ITPA: variants seen among roughly 807,000 people sequenced by gnomAD.
ITPA encodes inosine triphosphate pyrophosphatase.
In ITPA, 29 loss-of-function variants were observed where a neutral mutation model predicts 29.6. The ratio of observed to expected loss-of-function variants is 0.98; its 90% confidence interval spans 0.73 to 1.34. The LOEUF is 1.34. Among genes scored for constraint, ITPA ranks in the 40% most tolerant of loss-of-function variants. ITPA has a pLI of 0.00. For missense variants in ITPA, 241 were observed against 251.5 expected (o/e 0.96, Z 0.28); for synonymous variants, 103 against 99.3 (o/e 1.04, Z -0.22).
At chr20:3,217,499 G>C (rs769051539) in intron 5 of ITPA, among the ~76,000 whole-genome samples, 1 of 151,810 alleles carries the variant, frequency 6.6e-6, no homozygotes, top group Non-Finnish European at 1.5e-5. Flanking sequence ...TGGAGACAAG[G>C]GTCTCCCTGT....
chr20:3,212,755 A>G (rs1275404020), intron 1 of ITPA, among the ~76,000 whole-genome samples: 19 of 152,226 alleles, frequency 1.2e-4, no homozygotes, highest in Admixed American at 1.2e-3. Flanking sequence ...TTTGTTACCT[A>G]TATTCATAAT....
downstream of ITPA, chr20:3,227,443 T>C: frequency 3.0e-6 from 1 of 336,190 alleles, no homozygotes; most frequent in Non-Finnish European, 5.7e-6. Flanking sequence ...GGAGCTTTAT[T>C]CTCTAATGTG....
chr20:3,220,444 C>T (rs758823030), intron 6 of ITPA, among the ~76,000 whole-genome samples: 1 of 152,066 alleles, frequency 6.6e-6, no homozygotes, highest in Non-Finnish European at 1.5e-5. Flanking sequence ...GCCTTAGTCA[C>T]GCAGCTCCTC....
At position 3,218,450 on chromosome 20, in the gene ITPA, G is replaced by T. The variant is rs2122392379; in HGVS notation, c.296-67G>T. 3 of 1,113,160 alleles carry T rather than the reference G, an allele frequency of 2.7e-6. No homozygotes were observed. In the South Asian group the frequency reaches 3.7e-5, roughly 14 times the overall value. The allele number at this position is 1,113,160 out of a possible 1,614,324, so 69.0% of individuals were successfully genotyped here. On this transcript the variant is annotated intron_variant, in intron 5 of 7. Transcript: ENST00000380113. Reference sequence around the variant, plus strand: ...ATTCCTCCCTCCCCACCCTTAGTGGGCGTCTTGGGAGTGGGGGTGGGAGTT... The same window carrying T: ...ATTCCTCCCTCCCCACCCTTAGTGGTCGTCTTGGGAGTGGGGGTGGGAGTT...
At chr20:3,213,859 G>A in intron 3 of ITPA, 126 bp from the exon 4 acceptor site, 1 of 936,264 alleles carries the variant, frequency 1.1e-6, no homozygotes, top group South Asian at 1.3e-5. Flanking sequence ...CAGCTCCCAT[G>A]GTGCTGTCTG....
chr20:3,216,263 G>A (rs182733023), intron 5 of ITPA, among the ~76,000 whole-genome samples: 144 of 150,686 alleles, frequency 9.6e-4, no homozygotes, highest in Non-Finnish European at 1.6e-3. Flanking sequence ...GGATTCAAGC[G>A]ATTCTCCTGC....
rs2067127319 is a variant in ITPA at position 3,209,675 on chromosome 20, G to A, written c.66+58G>A. The stretch of plus-strand genomic sequence containing the variant: ...GCGGCTGGGAATAGGGCGGAGAAGG[G>A]GCTTCCGGGAGGAGGGAAGCACGTG... On this transcript the variant is annotated intron_variant, in intron 1 of 7. Coordinates refer to ENST00000380113, the MANE Select transcript of ITPA (RefSeq NM_033453.4). The surrounding 1 kb of genome is among the most constrained non-coding windows in gnomAD (Gnocchi z 4.6). 2 of 1,464,038 alleles carry A rather than the reference G, an allele frequency of 1.4e-6. No individual in the cohort carries two copies. Among genetic ancestry groups the A allele is most frequent in the East Asian group, 4.5e-5 (2 of 44,042 alleles). The allele number at this position is 1,464,038 out of a possible 1,614,324, so 90.7% of individuals were successfully genotyped here.
upstream of ITPA, among the ~76,000 whole-genome samples, chr20:3,206,462 C>T (rs551796320): frequency 2.0e-5 from 3 of 148,214 alleles, no homozygotes; most frequent in South Asian, 2.2e-4. Context: ...TTTGGGAGGT[C>T]GAGGTGGGTG....
chr20:3,222,755 A>T (rs955460149), intron 7 of ITPA, among the ~76,000 whole-genome samples: 3 of 152,218 alleles, frequency 2.0e-5, no homozygotes, highest in African/African-American at 7.2e-5. Flanking sequence ...GGGTGAGGAC[A>T]TTGTGGAACC....
Position 3,223,467 on chromosome 20 carries a change from T to G in ITPA, c.*5T>G, listed in dbSNP as rs2067520440. 2 of 1,608,934 alleles carry G rather than the reference T, an allele frequency of 1.2e-6. No individual in the cohort carries two copies. Among genetic ancestry groups the G allele is most frequent in the Non-Finnish European group, 1.7e-6 (2 of 1,177,190 alleles). On this transcript the variant is annotated 3_prime_UTR_variant, in exon 8 of 8. Transcript: ENST00000380113. ...TTTGGCAGTTTGGCAGCTTGACTTC[T>G]GCAGCTGGAGGAGGCCCCTCAGGCC...
Position 3,209,559 on chromosome 20 carries a change from C to G in ITPA, c.8C>G (p.Ala3Gly), listed in dbSNP as rs1356927726. ...GGGTAACCGGGGATCACCATGGCGG[C>G]CTCATTGGTGGGGAAGAAGATCGTG... MA[A>G]SLVGKKIVFV... Residue 3 changes from alanine to glycine, a missense_variant, in exon 1 of 8, where the codon GCC becomes GGC. Transcript: ENST00000380113. This position sits in a 1 kb window ranked among gnomAD's most constrained non-coding sequence, Gnocchi z 4.6. 1 of 1,614,062 alleles carries G rather than the reference C, an allele frequency of 6.2e-7. No homozygotes were observed. The highest frequency in any genetic ancestry group is 8.5e-7 in the Non-Finnish European group (1 of 1,179,976).
rs527885928 is a variant in ITPA at position 3,223,743 on chromosome 20, T to C, written c.*281T>C. On this transcript the variant is annotated 3_prime_UTR_variant, in exon 8 of 8. Coordinates refer to ENST00000380113, the MANE Select transcript of ITPA (RefSeq NM_033453.4). ...CCTTGGGTGGTAAAGCTGTACTTGG[T>C]GGGAGTGAGGGCGTGGGGAGGAACC... is the stretch of plus-strand genomic sequence containing the variant. 3.4e-5 allele frequency: 18 copies of C among 530,120 alleles called. No individual in the cohort carries two copies. The highest frequency in any genetic ancestry group is 5.7e-5 in the African/African-American group (3 of 52,644). The allele number at this position is 530,120 out of a possible 1,614,324, so 32.8% of individuals were successfully genotyped here.
chr20:3,208,962 T>C (rs540274990), upstream of ITPA: 1 of 157,096 alleles, frequency 6.4e-6, no homozygotes, highest in Non-Finnish European at 1.4e-5. Context: ...GGGTGATAGA[T>C]TTGAGAGGCT....
chr20:3,205,235 T>C (rs1228964781), upstream of ITPA, among the ~76,000 whole-genome samples: 2 of 152,150 alleles, frequency 1.3e-5, no homozygotes, highest in African/African-American at 4.8e-5. Context: ...GGCTTGGGAC[T>C]GATGCACACC....
downstream of ITPA, among the ~76,000 whole-genome samples, chr20:3,224,636 G>A (rs1455498157): frequency 6.6e-6 from 1 of 152,230 alleles, no homozygotes; most frequent in Non-Finnish European, 1.5e-5. Flanking sequence ...CTTGTGGGTG[G>A]GAGATGTCTG....
intron 6 of ITPA, among the ~76,000 whole-genome samples, chr20:3,220,627 C>G (rs552338768): frequency 1.3e-5 from 2 of 152,010 alleles, no homozygotes; most frequent in South Asian, 4.2e-4. Context: ...CCGTTCATAG[C>G]AGCCTTGATC....
chr20:3,224,711 C>T (rs1227261506), downstream of ITPA, among the ~76,000 whole-genome samples: 1 of 152,158 alleles, frequency 6.6e-6, no homozygotes, highest in African/African-American at 2.4e-5. Context: ...ATGGATGTAG[C>T]CCCCCTGTGC....
intron 6 of ITPA, 199 bp downstream of exon 6, chr20:3,218,831 T>C (rs2067383898): frequency 1.2e-5 from 8 of 641,070 alleles, no homozygotes; most frequent in African/African-American, 5.4e-5. Context: ...AAGGGTTCCC[T>C]GGGGCCAGAG....
chr20:3,225,219 G>A (rs929987893), downstream of ITPA, among the ~76,000 whole-genome samples: 3 of 152,042 alleles, frequency 2.0e-5, no homozygotes, highest in Admixed American at 2.0e-4. Flanking sequence ...AAAAACATGT[G>A]TATTTGGTCT....
Sources: gnomAD v4.1 joint callset for allele counts (sites outside exome capture counted in the v4.1 genomes callset) on GRCh38, gnomAD v4.1.1 for gene constraint, Gnocchi (gnomAD v3.1) non-coding constraint, MANE v1.5 for transcripts, NCBI Gene and HGNC (gene_info 2026-07-23, HGNC 2026-07-21) for gene names.